Variants in CHCHD3 observed in about 807,000 individuals in gnomAD.
The protein encoded by CHCHD3 is coiled-coil-helix-coiled-coil-helix domain containing 3.
Under a neutral mutation model 38.2 loss-of-function variants are expected in CHCHD3, and 20 were observed. The ratio of observed to expected loss-of-function variants is 0.52; its 90% CI spans 0.37 to 0.76. CHCHD3 has a LOEUF of 0.76. Among genes scored for constraint, CHCHD3 ranks in the 30% least tolerant of loss-of-function variants. The pLI is 0.00. For synonymous variants in CHCHD3, 82 were observed against 100.0 expected (o/e 0.82, Z 1.07); for missense variants, 245 against 279.2 (o/e 0.88, Z 0.87).
At chr7:132,965,430 C>G (rs17166821) in intron 4 of CHCHD3, among the ~76,000 whole-genome samples, 40,300 of 149,450 alleles carry the variant, frequency 0.27, 5,687 homozygotes, top group African/African-American at 0.34. Flanking sequence ...GAAGATAGTA[C>G]AGTTGAAGGC....
At chr7:132,789,510 C>T (rs765781817) in intron 7 of CHCHD3, among the ~76,000 whole-genome samples, 3 of 152,156 alleles carry the variant, frequency 2.0e-5, no homozygotes, top group Non-Finnish European at 4.4e-5. Context: ...GTCATTTCCG[C>T]TTATTAAAAC....
intron 5 of CHCHD3, among the ~76,000 whole-genome samples, chr7:132,862,201 CAGAG>C (rs201703613): frequency 1.3e-5 from 2 of 150,284 alleles, no homozygotes; most frequent in African/African-American, 4.9e-5. Context: ...GGGAGAGGAA[CAGAG>C]AGAGAGAGAT....
At chr7:132,817,461 C>CA (rs1807228886) in intron 6 of CHCHD3, among the ~76,000 whole-genome samples, 1 of 151,948 alleles carries the variant, frequency 6.6e-6, no homozygotes, top group Non-Finnish European at 1.5e-5. Flanking sequence ...TCCTTAGGGA[C>CA]AAAAGGTCCA....
rs772943665 is a variant in CHCHD3 at position 133,035,537 on chromosome 7, A to C, written c.170-10910T>G. 3 of 1,613,474 alleles carry C rather than the reference A, an allele frequency of 1.9e-6. No homozygotes were observed. The Admixed American group carries it at 5.0e-5, about 27-fold the overall frequency. On this transcript the variant is annotated intron_variant, in intron 2 of 7. Coordinates refer to ENST00000262570, the MANE Select transcript of CHCHD3 (RefSeq NM_017812.4). The surrounding 1 kb of genome is among the most constrained non-coding windows in gnomAD (Gnocchi z 4.7). ...GCCTCACTTCCTCCTTTGCATTCTC[A>C]GTGGCCTGTTTGTTGTGGTGCATGA...
chr7:132,989,617 T>C (rs1812216008), intron 3 of CHCHD3, among the ~76,000 whole-genome samples: 1 of 152,218 alleles, frequency 6.6e-6, no homozygotes, highest in African/African-American at 2.4e-5. Context: ...CTTAAATATT[T>C]TCTCCTACTG....
intron 2 of CHCHD3, among the ~76,000 whole-genome samples, chr7:133,042,228 A>G (rs902335683): frequency 2.6e-5 from 4 of 152,084 alleles, no homozygotes; most frequent in South Asian, 2.1e-4. Flanking sequence ...AAACACATCT[A>G]TTTTTTTATG....
chr7:132,930,985 T>C (rs1235785226), intron 4 of CHCHD3, among the ~76,000 whole-genome samples: 1 of 152,222 alleles, frequency 6.6e-6, no homozygotes, highest in East Asian at 1.9e-4. Flanking sequence ...GGTATCAGTC[T>C]TCTAACTAGA....
chr7:132,961,642 C>T (rs1460621770), intron 4 of CHCHD3, among the ~76,000 whole-genome samples: 1 of 152,194 alleles, frequency 6.6e-6, no homozygotes, highest in Non-Finnish European at 1.5e-5. Context: ...AAGATCCATT[C>T]CCTTGGCAAA....
chr7:132,916,602 A>T (rs1190753385), intron 4 of CHCHD3, among the ~76,000 whole-genome samples: 1 of 152,146 alleles, frequency 6.6e-6, no homozygotes, highest in Non-Finnish European at 1.5e-5. Flanking sequence ...TTTTAAAAAG[A>T]AAAGGCCTCA....
At chr7:132,961,722 C>T (rs1811326345) in intron 4 of CHCHD3, among the ~76,000 whole-genome samples, 1 of 152,140 alleles carries the variant, frequency 6.6e-6, no homozygotes, top group Non-Finnish European at 1.5e-5. Context: ...ACCTTCGATC[C>T]ACAGAACTTA....
chr7:132,841,506 T>A (rs1807939642), intron 5 of CHCHD3, among the ~76,000 whole-genome samples: 1 of 151,056 alleles, frequency 6.6e-6, no homozygotes, highest in South Asian at 2.1e-4. Flanking sequence ...TACTGGGTAT[T>A]CGTACAGTGA....
chr7:133,042,188 T>C (rs946148947), intron 2 of CHCHD3, among the ~76,000 whole-genome samples: 3 of 152,262 alleles, frequency 2.0e-5, no homozygotes, highest in Non-Finnish European at 2.9e-5. Flanking sequence ...AATCCACTTA[T>C]ACATATTCAC....
chr7:132,986,424 G>GAAAAAAAAAAAAAAAGAAAAAAAAAAAA (rs1812125101), intron 3 of CHCHD3, among the ~76,000 whole-genome samples: 1 of 131,272 alleles, frequency 7.6e-6, no homozygotes, highest in African/African-American at 2.8e-5. Context: ...AAAGAAAAAA[G>GAAAAAAAAAAAAAAAGAAAAAAAAAAAA]AAAAAAAAAA....
chr7:132,954,480 G>A lies in CHCHD3; in HGVS notation c.369+20689C>T, dbSNP rs372234093. ...GAACCCACGTCCTTTGTGGACACAG[G>A]GTCAGGGATTATCCTCAGGCAACCA... On this transcript the variant is annotated intron_variant, in intron 4 of 7. Transcript: ENST00000262570. Among the ~76,000 whole-genome samples the A allele has an allele frequency of 5.3e-5, 8 of 152,244 alleles. No homozygotes were observed. The East Asian group carries it at 9.6e-4, about 18-fold the overall frequency.
intron 7 of CHCHD3, among the ~76,000 whole-genome samples, chr7:132,792,265 G>A (rs906497812): frequency 1.3e-5 from 2 of 152,228 alleles, no homozygotes; most frequent in Non-Finnish European, 2.9e-5. Flanking sequence ...GCTGGCTGGA[G>A]GGAGCCTGCA....
intron 4 of CHCHD3, chr7:132,972,601 T>G: frequency 1.0e-6 from 1 of 985,434 alleles, no homozygotes; most frequent in Non-Finnish European, 1.2e-6. Flanking sequence ...AATTGGGAAC[T>G]GCCCAATAAC....
rs1225542541 is a variant in CHCHD3 at position 132,796,592 on chromosome 7, A to C, written c.525-15T>G. 1 of 1,612,824 alleles carries C rather than the reference A, an allele frequency of 6.2e-7. No homozygotes were observed. Among genetic ancestry groups the C allele is most frequent in the Non-Finnish European group, 8.5e-7 (1 of 1,179,100 alleles). ...ACTCATATCGCCTGAAAACAAACAC[A>C]GGGACCGCTGAGACCAATGGTCTTC... On this transcript the variant is annotated splice_polypyrimidine_tract_variant and intron_variant, in intron 6 of 7. Transcript: ENST00000262570.
intron 2 of CHCHD3, among the ~76,000 whole-genome samples, chr7:133,042,642 C>T (rs936720898): frequency 1.3e-5 from 2 of 152,162 alleles, no homozygotes; most frequent in East Asian, 3.8e-4. Context: ...ATGCAGAAAC[C>T]GGGAAGATGT....
At chr7:132,905,531 CAT>C (rs1371081885) in intron 4 of CHCHD3, among the ~76,000 whole-genome samples, 2 of 151,674 alleles carry the variant, frequency 1.3e-5, no homozygotes, top group Non-Finnish European at 2.9e-5. Flanking sequence ...GACCTGTGCA[CAT>C]GTTTACCTAC....
Sources: gnomAD v4.1 joint callset for allele counts (sites outside exome capture counted in the v4.1 genomes callset) on GRCh38, gnomAD v4.1.1 for gene constraint, Gnocchi (gnomAD v3.1) non-coding constraint, MANE v1.5 for transcripts, NCBI Gene and HGNC (gene_info 2026-07-23, HGNC 2026-07-21) for gene names.